The following CYP39A1 variants were observed in gnomAD, a reference collection of about 807,000 sequenced individuals.
CYP39A1 encodes 24-hydroxycholesterol 7-alpha-hydroxylase.
In CYP39A1, 49 loss-of-function variants were observed where a neutral mutation model predicts 58.1. The ratio of observed to expected loss-of-function variants is 0.84; its 90% CI spans 0.67 to 1.07. The LOEUF is 1.07. Ranked by LOEUF, CYP39A1 falls within the 50% of genes least tolerant of loss-of-function variation. The pLI is 0.00. For missense variants in CYP39A1, 531 were observed against 539.4 expected (o/e 0.98, Z 0.16); for synonymous variants, 209 against 187.6 (o/e 1.11, Z -0.93).
intron 1 of CYP39A1, among the ~76,000 whole-genome samples, chr6:46,651,279 A>T (rs1389857383): frequency 1.3e-5 from 2 of 152,232 alleles, no homozygotes; most frequent in African/African-American, 4.8e-5. Context: ...GAAAGAAAAA[A>T]GTTTGGCAGC....
chr6:46,602,585 G>A (rs562779505), intron 7 of CYP39A1, among the ~76,000 whole-genome samples: 1 of 151,340 alleles, frequency 6.6e-6, no homozygotes, highest in South Asian at 2.1e-4. Flanking sequence ...GGCCGAGGTG[G>A]GTGGGTCACC....
chr6:46,652,660 G>C lies in CYP39A1; in HGVS notation c.-78C>G, dbSNP rs72868094. 9.9e-3 allele frequency: 13,633 copies of C among 1,373,910 alleles called. 82 individuals carry two copies. Among genetic ancestry groups the C allele is most frequent in the Non-Finnish European group, 0.012 (12,609 of 1,025,536 alleles). The allele number at this position is 1,373,910 out of a possible 1,614,324, so 85.1% of individuals were successfully genotyped here. ...CCCTTGCTTCTTTTCTGTGGGCTAC[G>C]GAACCTGTCGGGACTCCCAACCTTT... On this transcript the variant is annotated 5_prime_UTR_variant, in exon 1 of 12. Transcript: ENST00000275016.
intron 10 of CYP39A1, among the ~76,000 whole-genome samples, chr6:46,569,217 G>A (rs1771453729): frequency 6.6e-6 from 1 of 151,972 alleles, no homozygotes; most frequent in South Asian, 2.1e-4. Context: ...TGGATTTTTT[G>A]TGTGTTCATA....
intron 10 of CYP39A1, among the ~76,000 whole-genome samples, chr6:46,560,064 G>A (rs1770892787): frequency 6.6e-6 from 1 of 152,126 alleles, no homozygotes; most frequent in South Asian, 2.1e-4. Context: ...GAGAAGGAAG[G>A]TCTCTCTGAT....
intron 10 of CYP39A1, among the ~76,000 whole-genome samples, chr6:46,558,371 C>T (rs1770768616): frequency 6.6e-6 from 1 of 152,262 alleles, no homozygotes; most frequent in East Asian, 1.9e-4. Context: ...CAAGCTCCTT[C>T]TTCACATGGT....
chr6:46,627,508 T>A (rs1310958885), intron 6 of CYP39A1, among the ~76,000 whole-genome samples: 4 of 151,884 alleles, frequency 2.6e-5, no homozygotes, highest in Non-Finnish European at 5.9e-5. Context: ...AAGCTCCGCC[T>A]CCTGGGTTCA....
chr6:46,644,464 G>C (rs1173351699), intron 1 of CYP39A1, among the ~76,000 whole-genome samples: 1 of 152,102 alleles, frequency 6.6e-6, no homozygotes, highest in African/African-American at 2.4e-5. Context: ...AGGTTGCAGT[G>C]AGCTATGATT....
chr6:46,651,964 T>C (rs1381659356), intron 1 of CYP39A1, among the ~76,000 whole-genome samples: 1 of 152,202 alleles, frequency 6.6e-6, no homozygotes, highest in East Asian at 1.9e-4. Context: ...CAGCTAAAAA[T>C]ACAGAGCCTG....
intron 8 of CYP39A1, among the ~76,000 whole-genome samples, chr6:46,591,516 A>ATGATACATAGAT (rs1772833185): frequency 6.6e-6 from 1 of 152,084 alleles, no homozygotes; most frequent in Non-Finnish European, 1.5e-5. Flanking sequence ...ATGTTTTAGA[A>ATGATACATAGAT]AACTATGTAT....
intron 1 of CYP39A1, among the ~76,000 whole-genome samples, chr6:46,647,720 T>C (rs928451214): frequency 6.6e-6 from 1 of 152,216 alleles, no homozygotes; most frequent in African/African-American, 2.4e-5. Context: ...TTTCAAGTAA[T>C]GTTTCCAGTG....
intron 10 of CYP39A1, among the ~76,000 whole-genome samples, chr6:46,561,387 AC>A (rs1487054292): frequency 1.3e-5 from 2 of 152,108 alleles, no homozygotes; most frequent in Non-Finnish European, 2.9e-5. Flanking sequence ...AGGCACTGCA[AC>A]AAGCGAAAAA....
intron 10 of CYP39A1, among the ~76,000 whole-genome samples, chr6:46,554,107 C>G (rs1244568606): frequency 3.3e-5 from 5 of 152,206 alleles, no homozygotes; most frequent in African/African-American, 1.2e-4. Flanking sequence ...CAATAAATGA[C>G]AGTCCCAAGT....
At chr6:46,583,631 A>C (rs1772284630) in intron 10 of CYP39A1, 1 of 975,890 alleles carries the variant, frequency 1.0e-6, no homozygotes. Flanking sequence ...CCAGTAGTAG[A>C]ATTACTAGAA....
chr6:46,553,869 T>C lies in CYP39A1; in HGVS notation c.1251-15A>G, dbSNP rs753044233. The C allele has an allele frequency of 6.7e-7, 1 of 1,497,126 alleles. No individual in the cohort carries two copies. Among genetic ancestry groups the C allele is most frequent in the Non-Finnish European group, 9.2e-7 (1 of 1,089,080 alleles). 92.7% of individuals were successfully genotyped at this position (1,497,126 alleles called of 1,614,324 possible). On this transcript the variant is annotated splice_polypyrimidine_tract_variant and intron_variant, in intron 10 of 11. Coordinates refer to ENST00000275016, the MANE Select transcript of CYP39A1 (RefSeq NM_016593.5). The stretch of plus-strand genomic sequence containing the variant: ...GAGCAAACCACCTGGAAGAAACGAA[T>C]AAAATTGTTACTTGATTGTGAAAGA...
chr6:46,580,275 T>C (rs971730850), intron 10 of CYP39A1, among the ~76,000 whole-genome samples: 1 of 152,166 alleles, frequency 6.6e-6, no homozygotes, highest in Non-Finnish European at 1.5e-5. Context: ...GTTCAATAAA[T>C]GGTGCTGGGA....
chr6:46,575,596 CT>C lies in CYP39A1; in HGVS notation c.1250+11480del, dbSNP rs143780590. On this transcript the variant is annotated intron_variant, in intron 10 of 11. Transcript: ENST00000275016. ...ATGTGCACTCACTCATAGCATCCCCCTGTCCCCACCTCACTGGAATACATGC... is the reference window on the plus strand; with the variant it reads ...ATGTGCACTCACTCATAGCATCCCCCGTCCCCACCTCACTGGAATACATGC... 8.1e-3 allele frequency among the ~76,000 whole-genome samples: 1,237 copies of C among 152,346 alleles called. 15 individuals are homozygous for C. The highest frequency in any genetic ancestry group is 0.028 in the African/African-American group (1,176 of 41,574).
At chr6:46,562,008 G>T (rs1415277848) in intron 10 of CYP39A1, among the ~76,000 whole-genome samples, 4 of 151,990 alleles carry the variant, frequency 2.6e-5, no homozygotes, top group African/African-American at 7.2e-5. Context: ...TATGAAAGTT[G>T]CTAAGAGAGT....
intron 10 of CYP39A1, among the ~76,000 whole-genome samples, chr6:46,560,063 G>A (rs575359042): frequency 5.9e-5 from 9 of 152,110 alleles, no homozygotes; most frequent in Non-Finnish European, 7.4e-5. Context: ...AGAGAAGGAA[G>A]GTCTCTCTGA....
Position 46,636,384 on chromosome 6 carries a change from C to A in CYP39A1, c.732+5G>T, listed in dbSNP as rs773030116. The A allele has an allele frequency of 2.6e-6, 4 of 1,564,706 alleles. No homozygotes were observed. The highest frequency in any genetic ancestry group is 3.5e-6 in the Non-Finnish European group (4 of 1,141,390). ...ATTAGCAAAAGAAAGGTAAGAAATA[C>A]TTACCATGGAATTATCTTTTGCAGA... On this transcript the variant is annotated splice_donor_5th_base_variant and intron_variant, in intron 5 of 11. Transcript: ENST00000275016.
Sources: allele counts gnomAD v4.1 joint callset (sites outside exome capture counted in the v4.1 genomes callset), GRCh38; gene constraint gnomAD v4.1.1; transcripts MANE v1.5; gene names NCBI Gene and HGNC (gene_info 2026-07-23, HGNC 2026-07-21).